LASP1: variants seen among roughly 807,000 people sequenced by gnomAD.
The protein encoded by LASP1 is LIM and SH3 protein 1, also known as LIM and SH3 domain protein 1.
LASP1 carries 10 observed loss-of-function variants against 38.6 expected under a neutral mutation model. The ratio of observed to expected loss-of-function variants is 0.26; its 90% CI spans 0.16 to 0.44. The LOEUF (loss-of-function observed/expected upper bound fraction) is 0.44. Ranked by LOEUF, LASP1 falls within the 20% of genes least tolerant of loss-of-function variation. The pLI is 1.00. For missense variants in LASP1, 243 were observed against 375.7 expected (o/e 0.65, Z 2.92); for synonymous variants, 132 against 140.8 (o/e 0.94, Z 0.44).
chr17:38,888,057 A>C (rs1322320413), intron 2 of LASP1, among the ~76,000 whole-genome samples: 1 of 152,152 alleles, frequency 6.6e-6, no homozygotes, highest in East Asian at 1.9e-4. Context: ...CCCAGGGCTA[A>C]AAATGGCCTG....
intron 4 of LASP1, 150 bp from the exon 5 acceptor site, chr17:38,914,175 G>C: frequency 1.1e-6 from 1 of 889,770 alleles, no homozygotes; most frequent in Non-Finnish European, 1.7e-6. Flanking sequence ...CTTGTCCAAG[G>C]ACACACAGCT....
chr17:38,909,239 CTCA>C lies in LASP1; in HGVS notation c.358-5084_358-5082del, dbSNP rs758798111. Among the ~76,000 whole-genome samples the C allele has an allele frequency of 6.6e-4, 101 of 152,188 alleles. 1 individual carries two copies. Among genetic ancestry groups the C allele is most frequent in the Non-Finnish European group, 1.4e-3 (96 of 68,036 alleles). ...TCTATGTCCCGCTTCCTCCCCCATC[CTCA>C]TGGAGCACTCAAACCCTGAACCCTC... On this transcript the variant is annotated intron_variant, in intron 4 of 6. Transcript: ENST00000318008.
intron 3 of LASP1, among the ~76,000 whole-genome samples, chr17:38,897,431 G>A (rs148570400): frequency 1.4e-4 from 22 of 152,378 alleles, no homozygotes; most frequent in Non-Finnish European, 2.8e-4. Flanking sequence ...CCAAGCAGCT[G>A]GTGGGGTCTG....
chr17:38,888,837 G>A (rs1250135488), intron 2 of LASP1, among the ~76,000 whole-genome samples: 3 of 152,008 alleles, frequency 2.0e-5, no homozygotes, highest in Non-Finnish European at 4.4e-5. Context: ...CAGGCTCTGA[G>A]GGTTGCCGTG....
In LASP1 at chr17:38,919,070, C is replaced by T; in HGVS notation, c.*292C>T. The T allele has an allele frequency of 2.2e-6, 1 of 454,800 alleles. No individual in the cohort carries two copies. Among genetic ancestry groups the T allele is most frequent in the Non-Finnish European group, 4.0e-6 (1 of 248,786 alleles). 28.2% of individuals were successfully genotyped at this position (454,800 alleles called of 1,614,324 possible). A position where few individuals can be genotyped will look rare whatever the true frequency, so the allele number is the denominator to read the frequency against. ...AATGGGAGACCTGTTGGCCTGTGGGCCTCACCTGCCCCTCTGTTCTCTCCC... is the reference window on the plus strand; with the variant it reads ...AATGGGAGACCTGTTGGCCTGTGGGTCTCACCTGCCCCTCTGTTCTCTCCC... On this transcript the variant is annotated 3_prime_UTR_variant, in exon 7 of 7. Coordinates refer to ENST00000318008, the MANE Select transcript of LASP1 (RefSeq NM_006148.4).
At chr17:38,900,379 C>CAAAAAAA (rs1567701195) in intron 4 of LASP1, among the ~76,000 whole-genome samples, 1 of 28,926 alleles carries the variant, frequency 3.5e-5, no homozygotes. Context: ...GACCCTGTTT[C>CAAAAAAA]CAAAAAAAAA....
At chr17:38,907,490 A>G in intron 4 of LASP1, among the ~76,000 whole-genome samples, 1 of 152,160 alleles carries the variant, frequency 6.6e-6, no homozygotes, top group East Asian at 1.9e-4. Context: ...TTACTGAGCA[A>G]TGAAAGCTCT....
intron 6 of LASP1, chr17:38,916,376 A>G (rs900441129): frequency 4.6e-5 from 7 of 151,938 alleles, no homozygotes; most frequent in African/African-American, 1.7e-4. Context: ...CCTGGCCAAC[A>G]TGGTGAAACC....
At chr17:38,893,773 C>A (rs567340705) in intron 3 of LASP1, among the ~76,000 whole-genome samples, 2 of 152,306 alleles carry the variant, frequency 1.3e-5, no homozygotes, top group African/African-American at 4.8e-5. Flanking sequence ...GCTGAGCCGG[C>A]CAGGCTGGAG....
chr17:38,870,912 A>T (rs1236670858), intron 1 of LASP1, among the ~76,000 whole-genome samples: 1 of 151,616 alleles, frequency 6.6e-6, no homozygotes, highest in Admixed American at 6.6e-5. Context: ...CAGCTTCCCA[A>T]CCCCCACCTC....
At chr17:38,915,229 A>G (rs1915085961) in intron 6 of LASP1, 83 bp downstream of exon 6, 1 of 1,056,174 alleles carries the variant, frequency 9.5e-7, no homozygotes, top group Non-Finnish European at 1.4e-6. Context: ...GATTCTCCTG[A>G]CCTTTGCACC....
At chr17:38,894,899 G>A (rs1460835749) in intron 3 of LASP1, among the ~76,000 whole-genome samples, 31 of 151,912 alleles carry the variant, frequency 2.0e-4, no homozygotes, top group Admixed American at 2.0e-3. Context: ...CACCATGCCC[G>A]GCTAATTTTT....
chr17:38,872,620 G>A (rs893014642), intron 1 of LASP1, among the ~76,000 whole-genome samples: 6 of 152,300 alleles, frequency 3.9e-5, no homozygotes, highest in Admixed American at 2.0e-4. Context: ...TGTGACCAGG[G>A]AGGAGGGGAA....
intron 2 of LASP1, among the ~76,000 whole-genome samples, chr17:38,884,636 C>G (rs937328466): frequency 5.3e-5 from 8 of 151,214 alleles, no homozygotes; most frequent in Non-Finnish European, 7.4e-5. Flanking sequence ...GTGATCCGCC[C>G]ACCTCAGCCT....
chr17:38,874,767 C>CTCA lies in LASP1; in HGVS notation c.70-3319_70-3318insTCA, dbSNP rs1403057299. Among the ~76,000 whole-genome samples the CTCA allele has an allele frequency of 3.3e-5, 5 of 152,236 alleles. No homozygotes were observed. The East Asian group carries it at 9.7e-4, about 29-fold the overall frequency. On this transcript the variant is annotated intron_variant, in intron 1 of 6. Coordinates refer to ENST00000318008, the MANE Select transcript of LASP1 (RefSeq NM_006148.4). Reference sequence around the variant, plus strand: ...TGGGTGTCTGGATGAGAGTGTGGGGCCTGTGAGGGAGGTGGGAAGGAGCTA... The same window carrying CTCA: ...TGGGTGTCTGGATGAGAGTGTGGGGCTCACTGTGAGGGAGGTGGGAAGGAGCTA...
chr17:38,896,099 C>CTCCTGCCGGGGCAAGCAT (rs1567699955), intron 3 of LASP1, among the ~76,000 whole-genome samples: 1 of 152,078 alleles, frequency 6.6e-6, no homozygotes, highest in African/African-American at 2.4e-5. Context: ...GGGGCAAGCA[C>CTCCTGCCGGGGCAAGCAT]TCCTGCCAGG....
At chr17:38,895,520 A>G (rs1187739929) in intron 3 of LASP1, among the ~76,000 whole-genome samples, 1 of 151,660 alleles carries the variant, frequency 6.6e-6, no homozygotes, top group Non-Finnish European at 1.5e-5. Context: ...GGGTTTCAGC[A>G]TGTTAGGCTG....
At chr17:38,873,677 C>T (rs530375234) in intron 1 of LASP1, among the ~76,000 whole-genome samples, 35 of 152,284 alleles carry the variant, frequency 2.3e-4, no homozygotes, top group Non-Finnish European at 4.7e-4. Flanking sequence ...CTGTCCTCCT[C>T]GGAATTTGTG....
chr17:38,911,228 A>T (rs1005654), intron 4 of LASP1, among the ~76,000 whole-genome samples: 37,889 of 151,968 alleles, frequency 0.25, 5,727 homozygotes, highest in African/African-American at 0.42. Context: ...CCCAGGTGCT[A>T]TGGAAGCCCT....
Sources: gnomAD v4.1 joint callset for allele counts (sites outside exome capture counted in the v4.1 genomes callset) on GRCh38, gnomAD v4.1.1 for gene constraint, MANE v1.5 for transcripts, NCBI Gene and HGNC (gene_info 2026-07-23, HGNC 2026-07-21) for gene names.